The following FERMT2 variants were observed in gnomAD, a reference collection of about 807,000 sequenced individuals.
FERMT2 encodes fermitin family homolog 2.
A neutral mutation model predicts 82.7 loss-of-function variants in FERMT2; 15 were observed. The ratio of observed to expected loss-of-function variants is 0.18; its 90% CI spans 0.12 to 0.28. The LOEUF (loss-of-function observed/expected upper bound fraction) is 0.28, where lower values mean the gene tolerates loss of function less well. Among genes scored for constraint, FERMT2 ranks in the 10% least tolerant of loss-of-function variants. The pLI is 1.00. For synonymous variants in FERMT2, 274 were observed against 271.5 expected (o/e 1.01, Z -0.09); for missense variants, 645 against 809.4 (o/e 0.80, Z 2.46).
Position 52,861,946 on chromosome 14 carries a change from T to C in FERMT2, c.1603-1481A>G, listed in dbSNP as rs1884967938. 4 of 152,308 alleles carry C rather than the reference T, an allele frequency of 2.6e-5. No homozygotes were observed. The South Asian group carries it at 8.3e-4, about 32-fold the overall frequency. 9.4% of individuals were successfully genotyped at this position (152,308 alleles called of 1,614,324 possible). On this transcript the variant is annotated intron_variant, in intron 12 of 14. Coordinates refer to ENST00000341590, the MANE Select transcript of FERMT2 (RefSeq NM_006832.3). ...ACGCAACTGGATACAGCTTAATAAT[T>C]ACTGAGCACTATGTCCAGTGTGACT... is the stretch of plus-strand genomic sequence containing the variant.
chr14:52,920,356 C>T (rs1029701201), intron 2 of FERMT2, among the ~76,000 whole-genome samples: 3 of 152,162 alleles, frequency 2.0e-5, no homozygotes, highest in East Asian at 1.9e-4. Context: ...ACAGGCCCAG[C>T]GTGGTGGCTC....
chr14:52,898,185 A>C (rs1887411771), intron 3 of FERMT2, among the ~76,000 whole-genome samples: 1 of 152,068 alleles, frequency 6.6e-6, no homozygotes, highest in South Asian at 2.1e-4. Context: ...ATTATTAATA[A>C]ATTTGGGGTA....
At chr14:52,920,707 C>T (rs1196230144) in intron 2 of FERMT2, among the ~76,000 whole-genome samples, 1 of 152,126 alleles carries the variant, frequency 6.6e-6, no homozygotes, top group East Asian at 1.9e-4. Flanking sequence ...AATCCCAAAA[C>T]TTTGGGAGGC....
At chr14:52,933,783 T>C (rs1209482200) in intron 2 of FERMT2, among the ~76,000 whole-genome samples, 1 of 146,758 alleles carries the variant, frequency 6.8e-6, no homozygotes, top group Non-Finnish European at 1.5e-5. Flanking sequence ...GTTACTGAAG[T>C]ATCTTATAAT....
intron 2 of FERMT2, among the ~76,000 whole-genome samples, chr14:52,921,076 G>C (rs1026390253): frequency 6.6e-6 from 1 of 152,148 alleles, no homozygotes; most frequent in African/African-American, 2.4e-5. Context: ...TTAAAAGTAT[G>C]TATTAATCTA....
intron 4 of FERMT2, among the ~76,000 whole-genome samples, chr14:52,890,454 AAAAAG>A (rs1423881305): frequency 4.6e-5 from 7 of 151,552 alleles, no homozygotes; most frequent in Admixed American, 1.3e-4. Context: ...GAAAAAAAAA[AAAAAG>A]AAAAGAAAAA....
intron 3 of FERMT2, among the ~76,000 whole-genome samples, chr14:52,906,182 G>C (rs928134202): frequency 6.6e-6 from 1 of 152,146 alleles, no homozygotes; most frequent in Non-Finnish European, 1.5e-5. Context: ...AGAATGTGTG[G>C]GGCAGGGGAC....
At chr14:52,909,587 G>A (rs1888199259) in intron 3 of FERMT2, among the ~76,000 whole-genome samples, 1 of 151,500 alleles carries the variant, frequency 6.6e-6, no homozygotes, top group Non-Finnish European at 1.5e-5. Flanking sequence ...CAGGAGTCCA[G>A]GACCAGCCTG....
intron 2 of FERMT2, among the ~76,000 whole-genome samples, chr14:52,947,519 T>G (rs2139716736): frequency 6.6e-6 from 1 of 152,216 alleles, no homozygotes; most frequent in Non-Finnish European, 1.5e-5. Context: ...TAAATGAGAC[T>G]TTTCAGATCT....
intron 2 of FERMT2, among the ~76,000 whole-genome samples, chr14:52,943,276 A>T (rs1890180128): frequency 1.3e-5 from 2 of 152,214 alleles, no homozygotes; most frequent in South Asian, 2.1e-4. Context: ...TAAAAAGGTT[A>T]AACAATGTCT....
intron 4 of FERMT2, among the ~76,000 whole-genome samples, chr14:52,882,244 G>C (rs1417409078): frequency 1.3e-5 from 2 of 151,916 alleles, no homozygotes; most frequent in African/African-American, 4.8e-5. Context: ...TTTAAGTTCT[G>C]GGGTACAACA....
chr14:52,896,182 T>C (rs1443381745), intron 3 of FERMT2, among the ~76,000 whole-genome samples: 1 of 152,260 alleles, frequency 6.6e-6, no homozygotes, highest in African/African-American at 2.4e-5. Context: ...TGGTTCATCG[T>C]TGACCAAAAT....
chr14:52,892,514 G>A (rs1887005369), intron 4 of FERMT2, among the ~76,000 whole-genome samples: 1 of 149,276 alleles, frequency 6.7e-6, no homozygotes. Context: ...GAGTGTGGTG[G>A]CACGATCTCA....
chr14:52,859,634 G>C lies in FERMT2; in HGVS notation c.1808C>G (p.Ala603Gly), dbSNP rs765531426. The C allele has an allele frequency of 6.2e-7, 1 of 1,611,520 alleles. No homozygotes were observed. The highest frequency in any genetic ancestry group is 8.5e-7 in the Non-Finnish European group (1 of 1,178,660). Residue 603 changes from alanine (A) to glycine (G), a missense_variant, in exon 14 of 15, where the codon GCA (alanine) becomes GGA (glycine). Coordinates refer to ENST00000341590, the MANE Select transcript of FERMT2 (RefSeq NM_006832.3). ...GTTGCTGAAACGCCATGTTTTAATT[G>C]CATCTCCAGTGCTGGCATCCATCCG... is the stretch of plus-strand genomic sequence containing the variant. ...LIRMDASTGDAIKTWRFSNMK... is the reference protein window; with the variant it reads ...LIRMDASTGDGIKTWRFSNMK...
At chr14:52,860,068 C>A (rs901724702) in intron 13 of FERMT2, 2 of 320,378 alleles carry the variant, frequency 6.2e-6, no homozygotes, top group Admixed American at 9.5e-5. Flanking sequence ...CCACCCACCT[C>A]GGCCTCCCAC....
chr14:52,912,053 T>C (rs555434554), intron 3 of FERMT2, among the ~76,000 whole-genome samples: 38 of 151,044 alleles, frequency 2.5e-4, no homozygotes, highest in African/African-American at 8.8e-4. Flanking sequence ...GAGCCTGCTA[T>C]CAGATACCCC....
intron 4 of FERMT2, among the ~76,000 whole-genome samples, chr14:52,884,896 G>C (rs1005208621): frequency 6.6e-6 from 1 of 152,016 alleles, no homozygotes; most frequent in African/African-American, 2.4e-5. Context: ...CAGCTACTTG[G>C]GAGGCTGAGA....
chr14:52,891,138 G>C (rs1448941843), intron 4 of FERMT2, among the ~76,000 whole-genome samples: 1 of 152,092 alleles, frequency 6.6e-6, no homozygotes, highest in Admixed American at 6.6e-5. Context: ...GAAGGAGCTC[G>C]GAGGTCTCTT....
chr14:52,910,742 T>C (rs1028611828), intron 3 of FERMT2, among the ~76,000 whole-genome samples: 3 of 152,168 alleles, frequency 2.0e-5, no homozygotes, highest in Non-Finnish European at 4.4e-5. Flanking sequence ...CTTTAAATAG[T>C]GTTCTGCTGG....
Sources: gnomAD v4.1 joint callset for allele counts (sites outside exome capture counted in the v4.1 genomes callset) on GRCh38, gnomAD v4.1.1 for gene constraint, MANE v1.5 for transcripts, NCBI Gene and HGNC (gene_info 2026-07-23, HGNC 2026-07-21) for gene names.